Variants in GPC5 observed in about 807,000 individuals in gnomAD.
GPC5 encodes glypican-5.
GPC5 carries 47 observed loss-of-function variants against 53.9 expected under a neutral mutation model. The ratio of observed to expected loss-of-function variants is 0.87; its 90% CI spans 0.69 to 1.11. The LOEUF (loss-of-function observed/expected upper bound fraction) is 1.11, where lower values mean the gene tolerates loss of function less well. Among genes scored for constraint, GPC5 ranks in the 50% most tolerant of loss-of-function variants. GPC5 has a pLI of 0.00. For missense variants in GPC5, 748 were observed against 713.1 expected (o/e 1.05, Z -0.56); for synonymous variants, 286 against 263.3 (o/e 1.09, Z -0.84).
At chr13:91,842,600 G>T (rs1396807980) in intron 5 of GPC5, among the ~76,000 whole-genome samples, 1 of 149,410 alleles carries the variant, frequency 6.7e-6, no homozygotes, top group African/African-American at 2.5e-5. Context: ...TACTTGGGAG[G>T]CTGAGGCAGG....
intron 7 of GPC5, among the ~76,000 whole-genome samples, chr13:92,789,916 C>T (rs990999210): frequency 7.9e-5 from 12 of 152,254 alleles, no homozygotes; most frequent in African/African-American, 2.4e-4. Context: ...GCAGTGCAGC[C>T]TTCAGTCTAT....
intron 7 of GPC5, among the ~76,000 whole-genome samples, chr13:92,256,539 G>T (rs2042727478): frequency 6.6e-6 from 1 of 151,858 alleles, no homozygotes; most frequent in African/African-American, 2.4e-5. Flanking sequence ...GAGCATTTTT[G>T]TACTCTTTTC....
rs192984589 is a variant in GPC5, at chr13:91,974,258, G to A, written c.1401+66201G>A. On this transcript the variant is annotated intron_variant, in intron 6 of 7. Coordinates refer to ENST00000377067, the MANE Select transcript of GPC5 (RefSeq NM_004466.6). ...GCTCCTATTCAACATAGTGTTGGAA[G>A]TTCTGGCCAGGGCAATTAGGCAGGA... Among the ~76,000 whole-genome samples, 392 of 152,326 alleles carry A rather than the reference G, an allele frequency of 2.6e-3. 2 individuals are homozygous for A. The highest frequency in any genetic ancestry group is 2.9e-3 in the Non-Finnish European group (200 of 68,036).
chr13:92,633,840 C>T (rs1473607405), intron 7 of GPC5, among the ~76,000 whole-genome samples: 3 of 151,906 alleles, frequency 2.0e-5, no homozygotes, highest in South Asian at 2.1e-4. Flanking sequence ...CACCATTAAG[C>T]GTAATGTTTA....
intron 7 of GPC5, among the ~76,000 whole-genome samples, chr13:92,752,570 T>G (rs2139327498): frequency 6.6e-6 from 1 of 152,260 alleles, no homozygotes; most frequent in South Asian, 2.1e-4. Flanking sequence ...CATTTCCATC[T>G]GAGGTACCGG....
chr13:92,156,041 C>T (rs117931054), intron 7 of GPC5, among the ~76,000 whole-genome samples: 3,505 of 152,176 alleles, frequency 0.023, 46 homozygotes, highest in Admixed American at 0.029. Context: ...AGCTTTGTTT[C>T]AATAGCTTTT....
At chr13:91,566,916 A>G (rs1212187948) in intron 2 of GPC5, among the ~76,000 whole-genome samples, 1 of 146,618 alleles carries the variant, frequency 6.8e-6, no homozygotes, top group African/African-American at 2.6e-5. Context: ...AAAATTAATT[A>G]TTTTTCTTCC....
At chr13:92,172,739 T>C (rs555570148) in intron 7 of GPC5, among the ~76,000 whole-genome samples, 2 of 152,232 alleles carry the variant, frequency 1.3e-5, no homozygotes, top group Admixed American at 6.5e-5. Context: ...TATATGTTGT[T>C]TGAAAAGGTT....
intron 7 of GPC5, among the ~76,000 whole-genome samples, chr13:92,551,848 G>A (rs1022060477): frequency 6.6e-6 from 1 of 151,824 alleles, no homozygotes; most frequent in Non-Finnish European, 1.5e-5. Context: ...TGGTGAGAGA[G>A]AGAAAAGAAG....
intron 7 of GPC5, among the ~76,000 whole-genome samples, chr13:92,455,653 A>G (rs766320255): frequency 6.6e-6 from 1 of 152,194 alleles, no homozygotes; most frequent in Non-Finnish European, 1.5e-5. Context: ...CCAAATTCTG[A>G]GATTCTTAAA....
chr13:92,564,069 G>C (rs1312841818), intron 7 of GPC5, among the ~76,000 whole-genome samples: 3 of 151,938 alleles, frequency 2.0e-5, no homozygotes, highest in Admixed American at 2.0e-4. Context: ...CTATTGCCAA[G>C]TATATAGAGA....
chr13:92,823,333 A>G (rs1566433370), intron 7 of GPC5, among the ~76,000 whole-genome samples: 1 of 152,148 alleles, frequency 6.6e-6, no homozygotes, highest in Non-Finnish European at 1.5e-5. Flanking sequence ...ATGTATATAA[A>G]ATGACTTGGG....
At chr13:92,535,299 C>G (rs1040479695) in intron 7 of GPC5, among the ~76,000 whole-genome samples, 1 of 152,088 alleles carries the variant, frequency 6.6e-6, no homozygotes, top group African/African-American at 2.4e-5. Flanking sequence ...GCTACCAAAA[C>G]ACCAAGGGTT....
At chr13:92,625,502 A>G (rs1015263354) in intron 7 of GPC5, among the ~76,000 whole-genome samples, 1 of 152,218 alleles carries the variant, frequency 6.6e-6, no homozygotes, top group African/African-American at 2.4e-5. Flanking sequence ...AAGATGATAC[A>G]GGTCAAAGAT....
chr13:91,647,945 A>C (rs936515416), intron 2 of GPC5, among the ~76,000 whole-genome samples: 1 of 152,228 alleles, frequency 6.6e-6, no homozygotes, highest in African/African-American at 2.4e-5. Context: ...ATTTGAGGCC[A>C]ATAATGAGAG....
At chr13:92,312,166 G>A (rs2043149255) in intron 7 of GPC5, among the ~76,000 whole-genome samples, 1 of 152,126 alleles carries the variant, frequency 6.6e-6, no homozygotes, top group Non-Finnish European at 1.5e-5. Flanking sequence ...GCTAAGTTAG[G>A]TTTAAAATAT....
chr13:92,742,319 G>A (rs1402568172), intron 7 of GPC5, among the ~76,000 whole-genome samples: 2 of 151,928 alleles, frequency 1.3e-5, no homozygotes, highest in African/African-American at 2.4e-5. Flanking sequence ...TTTGATTTGT[G>A]TTTCTCTGAT....
At chr13:92,475,560 G>A (rs1459473993) in intron 7 of GPC5, among the ~76,000 whole-genome samples, 2 of 151,834 alleles carry the variant, frequency 1.3e-5, no homozygotes, top group African/African-American at 4.8e-5. Context: ...TTTGTATCCT[G>A]AGACTTTGCT....
rs535819344 is a variant in GPC5, at chr13:92,378,076, A to G, written c.1561+233087A>G. Among the ~76,000 whole-genome samples, 8 of 152,066 alleles carry G rather than the reference A, an allele frequency of 5.3e-5. No homozygotes were observed. In the South Asian group the frequency reaches 1.7e-3, roughly 32 times the overall value. ...CTTATTCTCAGGCATATTTCCTTAA[A>G]GTTTGAAAATATAGCCACCAGATGG... On this transcript the variant is annotated intron_variant, in intron 7 of 7. Transcript: ENST00000377067.
Sources: allele counts gnomAD v4.1 joint callset (sites outside exome capture counted in the v4.1 genomes callset), GRCh38; gene constraint gnomAD v4.1.1; transcripts MANE v1.5; gene names NCBI Gene and HGNC (gene_info 2026-07-23, HGNC 2026-07-21).